Variants in DOCK3 observed in about 807,000 individuals in gnomAD.
The protein encoded by DOCK3 is dedicator of cytokinesis 3.
A neutral mutation model predicts 265.6 loss-of-function variants in DOCK3; 60 were observed. That is an observed-to-expected ratio of 0.23 (90% CI 0.18 to 0.28). The LOEUF (loss-of-function observed/expected upper bound fraction) is 0.28. Ranked by LOEUF, DOCK3 falls within the 10% of genes least tolerant of loss-of-function variation. The pLI, the probability that DOCK3 is intolerant of heterozygous loss-of-function variation, is 1.00. For missense variants in DOCK3, 1,981 were observed against 2,594.3 expected (o/e 0.76, Z 5.14); for synonymous variants, 881 against 938.0 (o/e 0.94, Z 1.11).
rs57596003 is a variant in DOCK3, at chr3:51,059,455, CCACACACACA to C, written c.316-4963_316-4954del. Reference sequence around the variant, plus strand: ...TCATTAGACTTTGCTAGAAAAAAAACCACACACACACACACACACACACACACACACACAC... The same window carrying C: ...TCATTAGACTTTGCTAGAAAAAAAACCACACACACACACACACACACACAC... On this transcript the variant is annotated intron_variant, in intron 5 of 52. Transcript: ENST00000266037. Among the ~76,000 whole-genome samples, 126 of 140,708 alleles carry C rather than the reference CCACACACACA, an allele frequency of 9.0e-4. 1 individual carries two copies. Among genetic ancestry groups the C allele is most frequent in the African/African-American group, 2.2e-3 (85 of 37,876 alleles). The allele number at this position is 140,708 out of a possible 152,430, so 92.3% of individuals were successfully genotyped here.
intron 9 of DOCK3, among the ~76,000 whole-genome samples, chr3:51,137,751 A>G (rs1394055244): frequency 6.6e-6 from 1 of 152,232 alleles, no homozygotes; most frequent in Non-Finnish European, 1.5e-5. Flanking sequence ...CATCATCATA[A>G]AAACAACTAA....
At position 51,275,161 on chromosome 3, in the gene DOCK3, A is replaced by G. The variant is rs1042724546; in HGVS notation, c.2631A>G (p.Ser877=). 6.2e-7 allele frequency: 1 copy of G among 1,614,028 alleles called. No homozygotes were observed. Among genetic ancestry groups the G allele is most frequent in the South Asian group, 1.1e-5 (1 of 91,086 alleles). The change falls in exon 25 of 53, where the codon TCA becomes TCG. Residue 877 remains serine, a synonymous_variant. Coordinates refer to ENST00000266037, the MANE Select transcript of DOCK3 (RefSeq NM_004947.5). ...LRQQKELLIC[S]GILGSIFSIV... ...AGCAGAAAGAGCTGCTAATTTGCTCAGGGATTCTTGGCAGCATCTTCTCCA... is the reference window on the plus strand; with the variant it reads ...AGCAGAAAGAGCTGCTAATTTGCTCGGGGATTCTTGGCAGCATCTTCTCCA...
At chr3:50,697,211 G>A (rs993548754) in intron 1 of DOCK3, among the ~76,000 whole-genome samples, 40 of 152,114 alleles carry the variant, frequency 2.6e-4, no homozygotes, top group African/African-American at 7.0e-4. Context: ...AATTATAGGC[G>A]TGAGCCACTG....
intron 2 of DOCK3, among the ~76,000 whole-genome samples, chr3:50,822,735 C>A (rs1470770988): frequency 6.6e-6 from 1 of 152,120 alleles, no homozygotes; most frequent in South Asian, 2.1e-4. Context: ...TCAAGTGATC[C>A]CACCTGCCTC....
intron 9 of DOCK3, among the ~76,000 whole-genome samples, chr3:51,124,387 T>C (rs2084169616): frequency 6.6e-6 from 1 of 152,182 alleles, no homozygotes; most frequent in South Asian, 2.1e-4. Context: ...GAAATGTGGC[T>C]AATGTGACTG....
intron 13 of DOCK3, among the ~76,000 whole-genome samples, chr3:51,211,561 C>A (rs1035321797): frequency 2.6e-5 from 4 of 152,028 alleles, no homozygotes; most frequent in Non-Finnish European, 5.9e-5. Context: ...CTTCCTGTGT[C>A]CAAGTATTCT....
At chr3:50,758,306 C>G (rs2040317119) in intron 1 of DOCK3, among the ~76,000 whole-genome samples, 1 of 150,220 alleles carries the variant, frequency 6.7e-6, no homozygotes. Flanking sequence ...CACTACCACA[C>G]TATCTTCACA....
chr3:51,304,104 C>G (rs542848778), intron 27 of DOCK3, among the ~76,000 whole-genome samples: 29 of 152,286 alleles, frequency 1.9e-4, no homozygotes, highest in African/African-American at 6.7e-4. Flanking sequence ...TCCCTAAACC[C>G]CTGGCTGAAG....
At chr3:50,767,849 G>T (rs1234578280) in intron 1 of DOCK3, among the ~76,000 whole-genome samples, 2 of 152,090 alleles carry the variant, frequency 1.3e-5, no homozygotes, top group Non-Finnish European at 2.9e-5. Context: ...CTTGTAAGTT[G>T]TATTCCTAGG....
chr3:50,679,590 G>A (rs1352218266), intron 1 of DOCK3, among the ~76,000 whole-genome samples: 2 of 152,124 alleles, frequency 1.3e-5, no homozygotes, highest in Non-Finnish European at 1.5e-5. Context: ...CTGAAGGTGG[G>A]GAGGAAATAG....
intron 9 of DOCK3, among the ~76,000 whole-genome samples, chr3:51,131,170 G>A (rs1429528475): frequency 6.6e-6 from 1 of 152,138 alleles, no homozygotes; most frequent in East Asian, 1.9e-4. Flanking sequence ...TTCAGGCAAT[G>A]AGGAAATGAC....
chr3:51,218,290 C>T (rs761492383), intron 14 of DOCK3, among the ~76,000 whole-genome samples: 4 of 151,934 alleles, frequency 2.6e-5, no homozygotes, highest in Non-Finnish European at 5.9e-5. Context: ...AAAAATTAGC[C>T]GGGCATGGTG....
intron 22 of DOCK3, among the ~76,000 whole-genome samples, chr3:51,257,514 A>G (rs775021058): frequency 6.6e-6 from 1 of 152,140 alleles, no homozygotes; most frequent in Non-Finnish European, 1.5e-5. Context: ...ACAATGTGAG[A>G]GGCATGTAGG....
chr3:51,135,498 G>A (rs2084752107), intron 9 of DOCK3, among the ~76,000 whole-genome samples: 1 of 152,148 alleles, frequency 6.6e-6, no homozygotes, highest in Non-Finnish European at 1.5e-5. Context: ...ACCAGTTGAA[G>A]TCCTTAAAAT....
In DOCK3 at chr3:50,873,444, T is replaced by TTCCTC. The variant is rs913244954; in HGVS notation, c.163-16571_163-16567dup. Reference sequence around the variant, plus strand: ...TGCCAGACAAAGTCTTCTTCACTGTTTCCTCTCCTCTCCTCACACAGAAGG... The same window carrying TTCCTC: ...TGCCAGACAAAGTCTTCTTCACTGTTTCCTCTCCTCTCCTCTCCTCACACAGAAGG... On this transcript the variant is annotated intron_variant, in intron 3 of 52. Coordinates refer to ENST00000266037, the MANE Select transcript of DOCK3 (RefSeq NM_004947.5). Among the ~76,000 whole-genome samples, 9 of 152,288 alleles carry TTCCTC rather than the reference T, an allele frequency of 5.9e-5. No individual in the cohort carries two copies. In the East Asian group the frequency reaches 1.4e-3, roughly 23 times the overall value.
chr3:51,225,914 GA>G, intron 15 of DOCK3, 141 bp downstream of exon 15: 1 of 1,166,222 alleles, frequency 8.6e-7, no homozygotes, highest in Non-Finnish European at 1.2e-6. Context: ...CTTTCTTGAA[GA>G]AAACTCTAAA....
At chr3:50,695,492 A>G (rs1202153171) in intron 1 of DOCK3, among the ~76,000 whole-genome samples, 1 of 152,208 alleles carries the variant, frequency 6.6e-6, no homozygotes, top group Non-Finnish European at 1.5e-5. Context: ...TGACCCAGTC[A>G]GATGTAAGAG....
intron 9 of DOCK3, among the ~76,000 whole-genome samples, chr3:51,102,923 C>T (rs2083142667): frequency 6.6e-6 from 1 of 152,142 alleles, no homozygotes; most frequent in South Asian, 2.1e-4. Flanking sequence ...AAATATGTTT[C>T]CCTCTGAGCA....
rs374429997 is a variant in DOCK3 at position 51,126,972 on chromosome 3, T to A, written c.747-19577T>A. Reference sequence around the variant, plus strand: ...CTGTGGTAGGGTTCTTATATATATATATATGAGTTTATTAAGTATTAACTC... The same window carrying A: ...CTGTGGTAGGGTTCTTATATATATAAATATGAGTTTATTAAGTATTAACTC... On this transcript the variant is annotated intron_variant, in intron 9 of 52. Transcript: ENST00000266037. Among the ~76,000 whole-genome samples, 130 of 152,144 alleles carry A rather than the reference T, an allele frequency of 8.5e-4. 1 individual carries two copies. In the South Asian group the frequency reaches 0.027, roughly 31 times the overall value.
Sources: gnomAD v4.1 joint callset for allele counts (sites outside exome capture counted in the v4.1 genomes callset) on GRCh38, gnomAD v4.1.1 for gene constraint, MANE v1.5 for transcripts, NCBI Gene and HGNC (gene_info 2026-07-23, HGNC 2026-07-21) for gene names.